EMC7: variants seen among roughly 807,000 people sequenced by gnomAD.
EMC7 encodes the protein endoplasmic reticulum membrane protein complex subunit 7.
In EMC7, 4 loss-of-function variants were observed where a neutral mutation model predicts 24.4. The ratio of observed to expected loss-of-function variants is 0.16; its 90% CI spans 0.08 to 0.38. The LOEUF (loss-of-function observed/expected upper bound fraction) is 0.38. EMC7 is among the 10% of genes least tolerant of loss of function. EMC7 has a pLI of 1.00. For synonymous variants in EMC7, 106 were observed against 112.0 expected, an observed-to-expected ratio of 0.95 and a Z score of 0.34; for missense variants, 221 against 300.6, an observed-to-expected ratio of 0.74 and a Z score of 1.96.
intron 1 of EMC7, among the ~76,000 whole-genome samples, chr15:34,098,878 T>G (rs1179551108): frequency 2.0e-5 from 3 of 151,894 alleles, no homozygotes; most frequent in Non-Finnish European, 2.9e-5. Flanking sequence ...AATATATTTA[T>G]CATCCTAAGG....
intron 1 of EMC7, among the ~76,000 whole-genome samples, chr15:34,099,535 A>G (rs1318852843): frequency 6.6e-6 from 1 of 152,234 alleles, no homozygotes; most frequent in African/African-American, 2.4e-5. Context: ...CAAAACAGCT[A>G]CAATACAAAT....
At chr15:34,095,854 G>A (rs1237253576) in intron 2 of EMC7, 41 bp downstream of exon 2, 2 of 1,569,172 alleles carry the variant, frequency 1.3e-6, no homozygotes, top group Admixed American at 3.5e-5. Flanking sequence ...AAGGTATTCA[G>A]TAGCCTAGCT....
At chr15:34,101,492 C>T in intron 1 of EMC7, 112 bp downstream of exon 1, 1 of 1,142,234 alleles carries the variant, frequency 8.8e-7, no homozygotes. Flanking sequence ...GCGGCACCCT[C>T]CCCTTCAGTC....
In EMC7 at chr15:34,084,065, A is replaced by C; in HGVS notation, c.*269T>G. The stretch of plus-strand genomic sequence containing the variant: ...TTAATTAATATACATAATGTATAGT[A>C]GTTCATATAATTTATTAATGGCATT... On this transcript the variant is annotated 3_prime_UTR_variant, in exon 5 of 5. Coordinates refer to ENST00000256545, the MANE Select transcript of EMC7 (RefSeq NM_020154.3). 1.4e-5 allele frequency: 4 copies of C among 295,724 alleles called. No individual in the cohort carries two copies. Among genetic ancestry groups the C allele is most frequent in the Non-Finnish European group, 1.2e-5 (2 of 161,746 alleles). 18.3% of individuals were successfully genotyped at this position (295,724 alleles called of 1,614,324 possible).
intron 2 of EMC7, among the ~76,000 whole-genome samples, chr15:34,094,552 A>G (rs1478563654): frequency 6.6e-6 from 1 of 151,978 alleles, no homozygotes; most frequent in South Asian, 2.1e-4. Context: ...CAAACAAAAA[A>G]TCAGACAGGC....
At chr15:34,099,037 A>G (rs1176148968) in intron 1 of EMC7, among the ~76,000 whole-genome samples, 2 of 152,184 alleles carry the variant, frequency 1.3e-5, no homozygotes, top group African/African-American at 2.4e-5. Context: ...AAAACTGAGG[A>G]AACATAAAAA....
intron 2 of EMC7, among the ~76,000 whole-genome samples, chr15:34,092,137 T>C (rs982990507): frequency 2.0e-5 from 3 of 151,872 alleles, no homozygotes; most frequent in African/African-American, 7.2e-5. Context: ...TGGTGGCACA[T>C]GCCTGTAATC....
intron 1 of EMC7, among the ~76,000 whole-genome samples, chr15:34,097,039 C>T (rs116849914): frequency 4.7e-4 from 46 of 97,618 alleles, no homozygotes; most frequent in African/African-American, 1.2e-3. Context: ...TGTTCTTCTT[C>T]TTTTTTTTTT....
rs778959248 is a variant in EMC7 at position 34,090,345 on chromosome 15, C to A, written c.467G>T (p.Gly156Val). 5.0e-6 allele frequency: 8 copies of A among 1,613,824 alleles called. No homozygotes were observed. The highest frequency in any genetic ancestry group is 6.8e-6 in the Non-Finnish European group (8 of 1,179,922). Residue 156 changes from glycine to valine, a missense_variant, in exon 3 of 5, where the codon GGC (glycine) becomes GTC (valine). By Grantham distance (109) the Gly-to-Val change is moderately radical (BLOSUM62 -3). Coordinates refer to ENST00000256545, the MANE Select transcript of EMC7 (RefSeq NM_020154.3). ...PSYFIKRESW[G>V]WTDFLMNPMV... ...TGGGTTCATTAGAAAGTCTGTCCAGCCCCACGATTCCCTTTTAATAAAGTA... is the reference window on the plus strand; with the variant it reads ...TGGGTTCATTAGAAAGTCTGTCCAGACCCACGATTCCCTTTTAATAAAGTA...
chr15:34,093,638 T>G lies in EMC7; in HGVS notation c.356+2257A>C, dbSNP rs538389742. On this transcript the variant is annotated intron_variant, in intron 2 of 4. Coordinates refer to ENST00000256545, the MANE Select transcript of EMC7 (RefSeq NM_020154.3). The stretch of plus-strand genomic sequence containing the variant: ...GTGTTTTCAATATAAAAAAAATGTT[T>G]AAAGCAGTATATATAACATATACTG... 3.3e-5 allele frequency among the ~76,000 whole-genome samples: 5 copies of G among 150,478 alleles called. No individual in the cohort carries two copies. In the East Asian group the frequency reaches 7.8e-4, roughly 23 times the overall value.
At chr15:34,089,064 G>A (rs920364814) in intron 3 of EMC7, among the ~76,000 whole-genome samples, 2 of 151,962 alleles carry the variant, frequency 1.3e-5, no homozygotes, top group Non-Finnish European at 2.9e-5. Context: ...CACCATGTTG[G>A]CCAGGCTGGT....
chr15:34,095,868 G>T, intron 2 of EMC7, 27 bp downstream of exon 2: 1 of 1,577,834 alleles, frequency 6.3e-7, no homozygotes, highest in South Asian at 1.1e-5. Flanking sequence ...CCTAGCTTTT[G>T]GCAAAAATTA....
At chr15:34,094,494 C>T (rs566748148) in intron 2 of EMC7, among the ~76,000 whole-genome samples, 1 of 152,028 alleles carries the variant, frequency 6.6e-6, no homozygotes, top group Admixed American at 6.6e-5. Flanking sequence ...GAAATCACAC[C>T]ACTGCATTCT....
intron 4 of EMC7, among the ~76,000 whole-genome samples, chr15:34,087,067 CCT>C (rs1222730847): frequency 2.6e-5 from 4 of 152,058 alleles, no homozygotes; most frequent in Non-Finnish European, 4.4e-5. Flanking sequence ...CACAAAATCC[CCT>C]GATAGCAAGA....
chr15:34,090,952 G>A (rs1414233244), intron 2 of EMC7, among the ~76,000 whole-genome samples: 2 of 152,156 alleles, frequency 1.3e-5, no homozygotes, highest in Non-Finnish European at 2.9e-5. Flanking sequence ...TATAGGTAAC[G>A]CTACATTTTT....
chr15:34,091,269 A>C (rs1174964157), intron 2 of EMC7, among the ~76,000 whole-genome samples: 1 of 152,124 alleles, frequency 6.6e-6, no homozygotes, highest in Admixed American at 6.6e-5. Context: ...ATATACATTA[A>C]ATTATTTTAC....
At chr15:34,085,864 TTG>T (rs1900874932) in intron 4 of EMC7, 1 of 152,028 alleles carries the variant, frequency 6.6e-6, no homozygotes, top group Admixed American at 6.6e-5. Flanking sequence ...TTTTCAGTTT[TTG>T]TGGTTTTATT....
chr15:34,096,329 C>G (rs1226824081), intron 1 of EMC7, among the ~76,000 whole-genome samples: 1 of 152,136 alleles, frequency 6.6e-6, no homozygotes, highest in Non-Finnish European at 1.5e-5. Flanking sequence ...CCCCATCATG[C>G]CCAGCTAATT....
chr15:34,099,318 G>A (rs558442066), intron 1 of EMC7, among the ~76,000 whole-genome samples: 13 of 152,174 alleles, frequency 8.5e-5, no homozygotes, highest in African/African-American at 3.1e-4. Context: ...ATATTACTAT[G>A]TAAACAAACA....
Sources: gnomAD v4.1 joint callset for allele counts (sites outside exome capture counted in the v4.1 genomes callset) on GRCh38, gnomAD v4.1.1 for gene constraint, MANE v1.5 for transcripts, NCBI Gene and HGNC (gene_info 2026-07-23, HGNC 2026-07-21) for gene names.